DLG2: variants seen among roughly 807,000 people sequenced by gnomAD.
DLG2 encodes the protein discs large MAGUK scaffold protein 2.
A neutral mutation model predicts 132.5 loss-of-function variants in DLG2; 45 were observed. That is an observed-to-expected ratio of 0.34 (90% CI 0.27 to 0.44). The LOEUF is 0.44. DLG2 is among the 20% of genes least tolerant of loss of function. The probability of loss-of-function intolerance (pLI) is 1.00; values close to 1 mark genes in which losing one functional copy is unlikely to be tolerated. For synonymous variants in DLG2, 424 were observed against 419.6 expected, an observed-to-expected ratio of 1.01 and a Z score of -0.13; for missense variants, 1,045 against 1,196.9, an observed-to-expected ratio of 0.87 and a Z score of 1.87.
At chr11:85,214,900 TAGAG>T (rs1469793624) in intron 4 of DLG2, among the ~76,000 whole-genome samples, 3 of 152,146 alleles carry the variant, frequency 2.0e-5, no homozygotes, top group Non-Finnish European at 2.9e-5. Context: ...TTATCAAAAA[TAGAG>T]AGATTTGTGG....
At chr11:85,240,475 T>A (rs2075822108) in intron 4 of DLG2, among the ~76,000 whole-genome samples, 1 of 151,644 alleles carries the variant, frequency 6.6e-6, no homozygotes, top group African/African-American at 2.4e-5. Context: ...TTTTTATATT[T>A]AAAAAAAATC....
rs182148999 is a variant in DLG2, at chr11:83,710,250, C to T, written c.1825+76440G>A. Among the ~76,000 whole-genome samples, 393 of 152,054 alleles carry T rather than the reference C, an allele frequency of 2.6e-3. 2 individuals carry two copies. The highest frequency in any genetic ancestry group is 9.2e-3 in the African/African-American group (381 of 41,446). The stretch of plus-strand genomic sequence containing the variant: ...CCATCTCGGCTCACTGCAATCTCCG[C>T]CTCCTGGATTCAAGCAATTCTCCTG... On this transcript the variant is annotated intron_variant, in intron 18 of 27. Coordinates refer to ENST00000376104, the MANE Select transcript of DLG2 (RefSeq NM_001142699.3).
intron 7 of DLG2, among the ~76,000 whole-genome samples, chr11:84,479,251 C>G (rs866258089): frequency 6.6e-6 from 1 of 152,044 alleles, no homozygotes; most frequent in Non-Finnish European, 1.5e-5. Flanking sequence ...ATTTGTTTCA[C>G]TACCAGTAAA....
intron 6 of DLG2, among the ~76,000 whole-genome samples, chr11:84,734,428 GCTCT>G (rs1320828231): frequency 1.3e-5 from 2 of 152,052 alleles, no homozygotes; most frequent in Admixed American, 6.6e-5. Flanking sequence ...TCACAATTTG[GCTCT>G]CTGTTTGTCT....
chr11:83,682,424 A>G, intron 18 of DLG2: 1 of 985,356 alleles, frequency 1.0e-6, no homozygotes, highest in Non-Finnish European at 1.2e-6. Flanking sequence ...CCTGATAAAT[A>G]TATCAGCCTT....
At chr11:84,603,141 T>C (rs2099579587) in intron 6 of DLG2, among the ~76,000 whole-genome samples, 1 of 151,988 alleles carries the variant, frequency 6.6e-6, no homozygotes. Flanking sequence ...GCTCTGTTCA[T>C]GGTTCTCCTA....
At chr11:84,835,441 G>A (rs2154000954) in intron 6 of DLG2, among the ~76,000 whole-genome samples, 1 of 151,596 alleles carries the variant, frequency 6.6e-6, no homozygotes, top group African/African-American at 2.4e-5. Context: ...TTCTTCATAG[G>A]GCTATAGAAA....
In DLG2 at chr11:84,378,554, C is replaced by A. The variant is rs568678098; in HGVS notation, c.520-127263G>T. On this transcript the variant is annotated intron_variant, in intron 7 of 27. Coordinates refer to ENST00000376104, the MANE Select transcript of DLG2 (RefSeq NM_001142699.3). ...TGACACTCAATGGGGGGAAAAATCT[C>A]GCCTGAGAATTTGTAATCACAACTT... is the stretch of plus-strand genomic sequence containing the variant. 3.2e-4 allele frequency among the ~76,000 whole-genome samples: 48 copies of A among 152,112 alleles called. No homozygotes were observed. The South Asian group carries it at 9.6e-3, about 30-fold the overall frequency.
At chr11:85,107,063 CAT>C (rs2071872068) in intron 6 of DLG2, among the ~76,000 whole-genome samples, 1 of 151,950 alleles carries the variant, frequency 6.6e-6, no homozygotes, top group South Asian at 2.1e-4. Context: ...TGAGAGTTGA[CAT>C]ATTCAGAATT....
intron 3 of DLG2, among the ~76,000 whole-genome samples, chr11:85,529,382 G>A (rs893347813): frequency 1.3e-5 from 2 of 152,096 alleles, no homozygotes; most frequent in Admixed American, 6.5e-5. Flanking sequence ...TCTGACTAGT[G>A]TACAAATTCA....
At chr11:83,503,418 TATATAGATAG>T (rs2094545936) in intron 21 of DLG2, among the ~76,000 whole-genome samples, 1 of 54,478 alleles carries the variant, frequency 1.8e-5, no homozygotes, top group African/African-American at 5.2e-5. Context: ...TATATATATA[TATATAGATAG>T]ATCTAATAGG....
chr11:84,119,107 C>CAGA (rs1390986406), intron 9 of DLG2, among the ~76,000 whole-genome samples: 1 of 151,586 alleles, frequency 6.6e-6, no homozygotes, highest in Non-Finnish European at 1.5e-5. Context: ...CCTTCTCTCC[C>CAGA]AGAAGAAACA....
rs546515764 is a variant in DLG2 at position 83,487,817 on chromosome 11, T to TTTAA, written c.2194-3593_2194-3590dup. 7.0e-4 allele frequency among the ~76,000 whole-genome samples: 106 copies of TTTAA among 152,116 alleles called. 1 individual carries two copies. The highest frequency in any genetic ancestry group is 2.5e-3 in the African/African-American group (103 of 41,550). On this transcript the variant is annotated intron_variant, in intron 21 of 27. Transcript: ENST00000376104. ...TATGATAATGTAAAAAAGGAAAGAA[T>TTTAA]TTAAGTGTGACAGGCCATGAACGGC...
At chr11:85,000,762 GT>G (rs1366892256) in intron 6 of DLG2, among the ~76,000 whole-genome samples, 2 of 152,116 alleles carry the variant, frequency 1.3e-5, no homozygotes, top group Non-Finnish European at 2.9e-5. Context: ...GCTCTCCTCT[GT>G]GGGGAGCAAG....
intron 9 of DLG2, among the ~76,000 whole-genome samples, chr11:84,159,312 A>G (rs1242372812): frequency 6.6e-6 from 1 of 152,266 alleles, no homozygotes; most frequent in African/African-American, 2.4e-5. Context: ...GAGTGCAATT[A>G]AGTAATAATA....
At chr11:85,582,691 A>C (rs1303977040) in intron 3 of DLG2, among the ~76,000 whole-genome samples, 15 of 137,638 alleles carry the variant, frequency 1.1e-4, no homozygotes, top group African/African-American at 3.3e-4. Flanking sequence ...AAAAAAAAAA[A>C]AAAAAAAAAA....
intron 3 of DLG2, among the ~76,000 whole-genome samples, chr11:85,544,472 T>G (rs1032814762): frequency 1.3e-5 from 2 of 152,188 alleles, no homozygotes; most frequent in African/African-American, 4.8e-5. Flanking sequence ...CTTGGTTTTG[T>G]GGACTCTTTT....
intron 3 of DLG2, among the ~76,000 whole-genome samples, chr11:85,364,718 G>T (rs939778245): frequency 2.6e-5 from 4 of 152,172 alleles, no homozygotes; most frequent in African/African-American, 9.7e-5. Flanking sequence ...AATATTCATT[G>T]TTACTGACTT....
chr11:84,622,460 A>G (rs1307147930), intron 6 of DLG2, among the ~76,000 whole-genome samples: 1 of 152,192 alleles, frequency 6.6e-6, no homozygotes, highest in African/African-American at 2.4e-5. Context: ...AGATTCCTTC[A>G]TAAGAGTCTG....
Sources: allele counts gnomAD v4.1 joint callset (sites outside exome capture counted in the v4.1 genomes callset), GRCh38; gene constraint gnomAD v4.1.1; transcripts MANE v1.5; gene names NCBI Gene and HGNC (gene_info 2026-07-23, HGNC 2026-07-21).